Variants in GALNTL6 observed in about 807,000 individuals in gnomAD.
GALNTL6 encodes polypeptide N-acetylgalactosaminyltransferase-like 6.
Under a neutral mutation model 73.7 loss-of-function variants are expected in GALNTL6, and 46 were observed. That is an observed-to-expected ratio of 0.62 (90% CI 0.49 to 0.80). GALNTL6 has a LOEUF of 0.80. Among genes scored for constraint, GALNTL6 ranks in the 30% least tolerant of loss-of-function variants. The pLI is 0.00. For synonymous variants in GALNTL6, 259 were observed against 263.7 expected, an observed-to-expected ratio of 0.98 and a Z score of 0.17; for missense variants, 604 against 755.0, an observed-to-expected ratio of 0.80 and a Z score of 2.34.
At chr4:172,789,833 A>C (rs997034410) in intron 5 of GALNTL6, among the ~76,000 whole-genome samples, 1 of 152,208 alleles carries the variant, frequency 6.6e-6, no homozygotes, top group Non-Finnish European at 1.5e-5. Flanking sequence ...GGATAGGAGA[A>C]AGATTCTGTT....
intron 5 of GALNTL6, among the ~76,000 whole-genome samples, chr4:172,395,608 C>T (rs1278115333): frequency 1.3e-5 from 2 of 152,020 alleles, no homozygotes; most frequent in African/African-American, 4.8e-5. Context: ...AGACCTTTGA[C>T]GAAAGGATTG....
chr4:172,688,874 G>C (rs542442873), intron 5 of GALNTL6, among the ~76,000 whole-genome samples: 7 of 152,224 alleles, frequency 4.6e-5, no homozygotes, highest in African/African-American at 1.7e-4. Context: ...ATTTGTGCCT[G>C]TGTCTTGTTT....
intron 2 of GALNTL6, among the ~76,000 whole-genome samples, chr4:172,190,996 C>T (rs1454019911): frequency 6.6e-6 from 1 of 152,216 alleles, no homozygotes; most frequent in Non-Finnish European, 1.5e-5. Context: ...TAGCCACCCT[C>T]TCAAAGATTT....
intron 10 of GALNTL6, among the ~76,000 whole-genome samples, chr4:172,965,491 GA>G (rs1461275692): frequency 6.6e-6 from 1 of 152,074 alleles, no homozygotes; most frequent in Non-Finnish European, 1.5e-5. Flanking sequence ...GCTGAGGTGG[GA>G]GAATGGCGTG....
Position 172,083,657 on chromosome 4 carries a change from C to T in GALNTL6, c.139-145999C>T, listed in dbSNP as rs562923303. ...AATATAGCAAACTTTAGTCCCTTCT[C>T]CCCAACCTCATGACATTCCTTATCC... On this transcript the variant is annotated intron_variant, in intron 2 of 12. Coordinates refer to ENST00000506823, the MANE Select transcript of GALNTL6 (RefSeq NM_001034845.3). Among the ~76,000 whole-genome samples, 3 of 152,288 alleles carry T rather than the reference C, an allele frequency of 2.0e-5. No homozygotes were observed. In the East Asian group the frequency reaches 5.8e-4, roughly 29 times the overall value.
intron 2 of GALNTL6, among the ~76,000 whole-genome samples, chr4:171,819,650 A>G (rs1384147774): frequency 2.0e-5 from 3 of 152,158 alleles, no homozygotes; most frequent in African/African-American, 7.2e-5. Context: ...TCCTTGCAAC[A>G]TTTTTATACA....
intron 5 of GALNTL6, among the ~76,000 whole-genome samples, chr4:172,735,806 T>C (rs181790221): frequency 1.5e-4 from 23 of 152,270 alleles, no homozygotes; most frequent in Middle Eastern, 3.4e-3. Flanking sequence ...CTTTTCTATT[T>C]TCCCTAAGTG....
At chr4:172,359,501 G>A (rs770808289) in intron 5 of GALNTL6, among the ~76,000 whole-genome samples, 3 of 152,108 alleles carry the variant, frequency 2.0e-5, no homozygotes, top group Non-Finnish European at 2.9e-5. Flanking sequence ...CCCCTGAAAC[G>A]AAAATAAGAG....
chr4:172,982,312 G>A (rs533606252), intron 10 of GALNTL6, among the ~76,000 whole-genome samples: 4 of 152,214 alleles, frequency 2.6e-5, no homozygotes, highest in South Asian at 2.1e-4. Flanking sequence ...CAATCACCAC[G>A]GGACATCTCA....
In GALNTL6 at chr4:172,380,123, G is replaced by C. The variant is rs1743225817; in HGVS notation, c.553+31434G>C. 7.9e-6 allele frequency: 8 copies of C among 1,016,036 alleles called. 1 individual carries two copies. Among genetic ancestry groups the C allele is most frequent in the Non-Finnish European group, 1.3e-5 (8 of 637,222 alleles). The allele number at this position is 1,016,036 out of a possible 1,614,324, so 62.9% of individuals were successfully genotyped here. A position where few individuals can be genotyped will look rare whatever the true frequency, so the allele number is the denominator to read the frequency against. On this transcript the variant is annotated intron_variant, in intron 5 of 12. Coordinates refer to ENST00000506823, the MANE Select transcript of GALNTL6 (RefSeq NM_001034845.3). ...TTTCCACTGCTCCTCTGCATCATTT[G>C]CTAATGGATCATCTGGATTTGGAGC...
At chr4:172,860,723 T>C (rs755143486) in intron 7 of GALNTL6, among the ~76,000 whole-genome samples, 1 of 152,202 alleles carries the variant, frequency 6.6e-6, no homozygotes, top group South Asian at 2.1e-4. Flanking sequence ...AAAATATATA[T>C]GAAAATGATG....
chr4:171,859,545 C>T (rs1308604480), intron 2 of GALNTL6, among the ~76,000 whole-genome samples: 1 of 152,044 alleles, frequency 6.6e-6, no homozygotes, highest in Non-Finnish European at 1.5e-5. Context: ...ATCGGTTATA[C>T]TCATGGTTAT....
At chr4:172,516,603 ATATAAT>A (rs1481896528) in intron 5 of GALNTL6, among the ~76,000 whole-genome samples, 1 of 152,168 alleles carries the variant, frequency 6.6e-6, no homozygotes, top group Non-Finnish European at 1.5e-5. Context: ...TTAAATATGT[ATATAAT>A]TATATTTGTC....
chr4:172,567,543 T>C (rs902418051), intron 5 of GALNTL6, among the ~76,000 whole-genome samples: 1 of 152,196 alleles, frequency 6.6e-6, no homozygotes, highest in African/African-American at 2.4e-5. Flanking sequence ...TGGTCATAAA[T>C]ACTTCTTGTT....
rs543766765 is a variant in GALNTL6, at chr4:172,453,148, G to A, written c.553+104459G>A. Among the ~76,000 whole-genome samples, 5 of 152,046 alleles carry A rather than the reference G, an allele frequency of 3.3e-5. No homozygotes were observed. In the South Asian group the frequency reaches 8.3e-4, roughly 25 times the overall value. The stretch of plus-strand genomic sequence containing the variant: ...ACCCAGGAGGCGGAGGTTGCAGTGA[G>A]CTGAGATCCCGCCATTGCATTCCAG... On this transcript the variant is annotated intron_variant, in intron 5 of 12. Transcript: ENST00000506823.
intron 3 of GALNTL6, among the ~76,000 whole-genome samples, chr4:172,310,602 C>T (rs1262084645): frequency 6.6e-6 from 1 of 151,944 alleles, no homozygotes; most frequent in African/African-American, 2.4e-5. Context: ...ACTGCCTGAA[C>T]ATTTGCTTTG....
chr4:172,540,746 G>A (rs527301106), intron 5 of GALNTL6, among the ~76,000 whole-genome samples: 1 of 152,156 alleles, frequency 6.6e-6, no homozygotes, highest in Non-Finnish European at 1.5e-5. Context: ...AAAATTGGTT[G>A]GGAGAGTTAA....
chr4:172,480,934 A>G (rs1350011338), intron 5 of GALNTL6, among the ~76,000 whole-genome samples: 1 of 152,044 alleles, frequency 6.6e-6, no homozygotes, highest in Admixed American at 6.6e-5. Context: ...TTGGGCCTGG[A>G]CTCTCGGAAG....
chr4:172,091,102 C>T (rs976164748), intron 2 of GALNTL6, among the ~76,000 whole-genome samples: 1 of 152,008 alleles, frequency 6.6e-6, no homozygotes, highest in African/African-American at 2.4e-5. Flanking sequence ...ACAGTAATTA[C>T]AAGTTTCTTT....
Sources: gnomAD v4.1 joint callset for allele counts (sites outside exome capture counted in the v4.1 genomes callset) on GRCh38, gnomAD v4.1.1 for gene constraint, MANE v1.5 for transcripts, NCBI Gene and HGNC (gene_info 2026-07-23, HGNC 2026-07-21) for gene names.